OSBPL10: variants seen among roughly 807,000 people sequenced by gnomAD.
OSBPL10 encodes the protein oxysterol binding protein like 10.
A neutral mutation model predicts 81.7 loss-of-function variants in OSBPL10; 49 were observed. The ratio of observed to expected loss-of-function variants is 0.60; its 90% CI spans 0.48 to 0.76. The LOEUF (loss-of-function observed/expected upper bound fraction) is 0.76, where lower values mean the gene tolerates loss of function less well. Ranked by LOEUF, OSBPL10 falls within the 30% of genes least tolerant of loss-of-function variation. The probability of loss-of-function intolerance (pLI) is 0.00; values close to 1 mark genes in which losing one functional copy is unlikely to be tolerated. For synonymous variants in OSBPL10, 419 were observed against 383.6 expected, an observed-to-expected ratio of 1.09 and a Z score of -1.08; for missense variants, 923 against 987.8, an observed-to-expected ratio of 0.93 and a Z score of 0.88.
chr3:31,766,813 T>A (rs1354929612), intron 4 of OSBPL10, among the ~76,000 whole-genome samples: 1 of 152,244 alleles, frequency 6.6e-6, no homozygotes. Context: ...ATGACATGAA[T>A]GCCAGGTTAC....
chr3:31,893,452 CT>C (rs1158073751), intron 1 of OSBPL10, among the ~76,000 whole-genome samples: 1 of 152,192 alleles, frequency 6.6e-6, no homozygotes, highest in Non-Finnish European at 1.5e-5. Flanking sequence ...CCTTTCCACA[CT>C]CTTGGTAGGA....
At chr3:31,729,710 C>A (rs1286582503) in intron 6 of OSBPL10, among the ~76,000 whole-genome samples, 1 of 152,196 alleles carries the variant, frequency 6.6e-6, no homozygotes, top group Non-Finnish European at 1.5e-5. Context: ...TGAGCCACCA[C>A]GCCCAGCCGG....
At chr3:31,982,874 C>T (rs976426340), upstream of OSBPL10, among the ~76,000 whole-genome samples, 1 of 152,210 alleles carries the variant, frequency 6.6e-6, no homozygotes. Context: ...TCCACATGGA[C>T]CTTAGGCTTG....
rs140630218 is a variant in OSBPL10, at chr3:31,970,084, C to T, written c.281+10815G>A. On this transcript the variant is annotated intron_variant, in intron 1 of 11. Transcript: ENST00000396556. ...GAAAAAGAAAACACACTTTGAAGTC[C>T]GAAAATTCCGTGCTCCACAATTTAT... Among the ~76,000 whole-genome samples the T allele has an allele frequency of 2.3e-3, 356 of 152,190 alleles. 1 individual carries two copies. The highest frequency in any genetic ancestry group is 0.01 in the Middle Eastern group (3 of 294).
At chr3:31,801,517 G>A (rs553276120) in intron 4 of OSBPL10, among the ~76,000 whole-genome samples, 3 of 152,352 alleles carry the variant, frequency 2.0e-5, no homozygotes, top group East Asian at 1.9e-4. Flanking sequence ...GGGTGAAACA[G>A]AGGCCAATTT....
intron 5 of OSBPL10, among the ~76,000 whole-genome samples, chr3:31,734,822 A>C (rs544051263): frequency 6.6e-6 from 1 of 152,246 alleles, no homozygotes; most frequent in South Asian, 2.1e-4. Flanking sequence ...AAAGCAAAAA[A>C]AGAAAAATTA....
intron 8 of OSBPL10, among the ~76,000 whole-genome samples, chr3:31,677,754 G>C (rs999991116): frequency 6.6e-6 from 1 of 152,130 alleles, no homozygotes; most frequent in Admixed American, 6.5e-5. Flanking sequence ...GGCCTACCCT[G>C]TGGAGACACG....
intron 1 of OSBPL10, among the ~76,000 whole-genome samples, chr3:31,934,355 A>G (rs1180725456): frequency 6.6e-6 from 1 of 152,076 alleles, no homozygotes; most frequent in Non-Finnish European, 1.5e-5. Flanking sequence ...GGCAAAGGAA[A>G]AGCCCAAAAT....
In OSBPL10 at chr3:31,980,913, C is replaced by T. The variant is rs1698820628; in HGVS notation, c.267G>A (p.Gln89=). 1 of 1,577,496 alleles carries T rather than the reference C, an allele frequency of 6.3e-7. No individual in the cohort carries two copies. Among genetic ancestry groups the T allele is most frequent in the African/African-American group, 1.4e-5 (1 of 71,522 alleles). ...TGGCGCGTTACCTGTTCTGCCAGCC[C>T]TGGAGGAGGTTGGTGTATTTGCTGA... The part of the protein sequence containing the change: ...GVLSKYTNLL[Q]GWQNRYFVLD... The change falls in exon 1 of 12, where the codon CAG becomes CAA. Residue 89 remains glutamine (Q), a synonymous_variant. Transcript: ENST00000396556.
At chr3:31,930,003 C>CAAACAAAAA (rs1306473764) in intron 1 of OSBPL10, among the ~76,000 whole-genome samples, 9,553 of 72,470 alleles carry the variant, frequency 0.13, 1,681 homozygotes, top group Non-Finnish European at 0.18. Flanking sequence ...TGTCACCAAC[C>CAAACAAAAA]AAAAAAAAAA....
intron 3 of OSBPL10, among the ~76,000 whole-genome samples, chr3:31,858,690 C>G (rs1052788035): frequency 1.3e-5 from 2 of 152,182 alleles, no homozygotes; most frequent in Non-Finnish European, 2.9e-5. Context: ...GCCTTTAATC[C>G]TGCAGCATCA....
At chr3:31,870,869 G>C (rs1421372376) in intron 3 of OSBPL10, among the ~76,000 whole-genome samples, 4 of 152,166 alleles carry the variant, frequency 2.6e-5, no homozygotes, top group African/African-American at 7.2e-5. Context: ...CTCAGGGTTT[G>C]TGAGTACACC....
At chr3:31,787,594 CAAAA>C (rs34814978) in intron 4 of OSBPL10, among the ~76,000 whole-genome samples, 10 of 126,118 alleles carry the variant, frequency 7.9e-5, no homozygotes, top group Admixed American at 8.0e-5. Flanking sequence ...GACTCCGCCT[CAAAA>C]AAAAAAAAAA....
chr3:32,026,354 T>C (rs1367274891), intron 2 of OSBPL10, among the ~76,000 whole-genome samples: 1 of 152,094 alleles, frequency 6.6e-6, no homozygotes, highest in Non-Finnish European at 1.5e-5. Context: ...CCCAGGCTAG[T>C]TTCAAACTCC....
At chr3:32,002,535 A>G (rs1193426477) in intron 2 of OSBPL10, among the ~76,000 whole-genome samples, 1 of 152,220 alleles carries the variant, frequency 6.6e-6, no homozygotes, top group East Asian at 1.9e-4. Flanking sequence ...ATTATTATCC[A>G]TAGCTGTGGA....
At chr3:31,683,574 C>G in intron 8 of OSBPL10, 60 bp downstream of exon 8, 4 of 1,550,004 alleles carry the variant, frequency 2.6e-6, no homozygotes, top group Non-Finnish European at 3.5e-6. Flanking sequence ...TATCAATCAT[C>G]TACCAGGTAT....
chr3:31,882,254 GACT>G (rs1456267157), intron 1 of OSBPL10, among the ~76,000 whole-genome samples: 1 of 152,200 alleles, frequency 6.6e-6, no homozygotes, highest in Non-Finnish European at 1.5e-5. Context: ...GTCTGGCCAA[GACT>G]ACTATCTATT....
At chr3:31,800,757 T>C (rs1468946785) in intron 4 of OSBPL10, among the ~76,000 whole-genome samples, 1 of 151,722 alleles carries the variant, frequency 6.6e-6, no homozygotes, top group Non-Finnish European at 1.5e-5. Flanking sequence ...TTAAATTTTA[T>C]TTTGAAAAGA....
At chr3:31,921,062 G>A (rs1449691952) in intron 1 of OSBPL10, among the ~76,000 whole-genome samples, 2 of 152,122 alleles carry the variant, frequency 1.3e-5, no homozygotes, top group Non-Finnish European at 1.5e-5. Context: ...ATTGAAGTGG[G>A]GGTGAACGAT....
Sources: gnomAD v4.1 joint callset for allele counts (sites outside exome capture counted in the v4.1 genomes callset) on GRCh38, gnomAD v4.1.1 for gene constraint, MANE v1.5 for transcripts, NCBI Gene and HGNC (gene_info 2026-07-23, HGNC 2026-07-21) for gene names.